The following CSMD1 variants were observed in gnomAD, a reference collection of about 807,000 sequenced individuals.
The protein encoded by CSMD1 is CUB and sushi domain-containing protein 1.
CSMD1 carries 213 observed loss-of-function variants against 417.5 expected under a neutral mutation model. That is an observed-to-expected ratio of 0.51 (90% CI 0.46 to 0.57). The LOEUF (loss-of-function observed/expected upper bound fraction) is 0.57, where lower values mean the gene tolerates loss of function less well. Among genes scored for constraint, CSMD1 ranks in the 20% least tolerant of loss-of-function variants. The pLI is 0.00. For missense variants in CSMD1, 6,923 were observed against 4,529.7 expected (o/e 1.53, Z -15.17); for synonymous variants, 2,862 against 1,736.8 (o/e 1.65, Z -16.11).
At chr8:3,328,325 C>T (rs1046593232) in intron 23 of CSMD1, among the ~76,000 whole-genome samples, 2 of 152,192 alleles carry the variant, frequency 1.3e-5, no homozygotes, top group African/African-American at 4.8e-5. Flanking sequence ...TGCCTATATG[C>T]TGCTTAAGGC....
At chr8:3,339,394 G>C (rs1281352519) in intron 23 of CSMD1, among the ~76,000 whole-genome samples, 1 of 152,098 alleles carries the variant, frequency 6.6e-6, no homozygotes. Context: ...CCAAGGGTAG[G>C]GGGGTTGCCT....
At chr8:3,229,593 T>C (rs1798712090) in intron 27 of CSMD1, among the ~76,000 whole-genome samples, 1 of 152,146 alleles carries the variant, frequency 6.6e-6, no homozygotes, top group South Asian at 2.1e-4. Context: ...TAATTTCTAG[T>C]TTTCAGAATT....
chr8:3,403,686 T>C (rs1812176148), intron 15 of CSMD1, among the ~76,000 whole-genome samples: 1 of 152,188 alleles, frequency 6.6e-6, no homozygotes, highest in Non-Finnish European at 1.5e-5. Context: ...GTGTTCACTT[T>C]AAACTTCTTT....
At chr8:4,408,104 T>C (rs552807030) in intron 3 of CSMD1, among the ~76,000 whole-genome samples, 4 of 152,290 alleles carry the variant, frequency 2.6e-5, no homozygotes, top group Admixed American at 2.0e-4. Flanking sequence ...AAAAAGTTTA[T>C]GCCTGAATGG....
intron 1 of CSMD1, among the ~76,000 whole-genome samples, chr8:4,820,739 A>G (rs907904630): frequency 6.6e-6 from 1 of 152,202 alleles, no homozygotes; most frequent in Non-Finnish European, 1.5e-5. Flanking sequence ...CTAACTTTGC[A>G]TTCAGGCATA....
rs546693553 is a variant in CSMD1 at position 3,088,053 on chromosome 8, T to C, written c.7286-768A>G. The stretch of plus-strand genomic sequence containing the variant: ...TCTTTTTTAGCATATGGGATTTGAA[T>C]GAAATCTTTGAAGAAAATGCATTCT... On this transcript the variant is annotated intron_variant, in intron 48 of 69. Transcript: ENST00000635120. 2.0e-5 allele frequency among the ~76,000 whole-genome samples: 3 copies of C among 152,362 alleles called. No individual in the cohort carries two copies. In the South Asian group the frequency reaches 6.2e-4, roughly 32 times the overall value.
At chr8:3,287,020 C>A (rs549060479) in intron 25 of CSMD1, among the ~76,000 whole-genome samples, 151 of 152,140 alleles carry the variant, frequency 9.9e-4, no homozygotes, top group Non-Finnish European at 8.8e-4. Flanking sequence ...AGGAAGGGAT[C>A]CAGTTTCAGC....
intron 5 of CSMD1, among the ~76,000 whole-genome samples, chr8:3,933,584 G>A (rs1810296366): frequency 6.6e-6 from 1 of 152,132 alleles, no homozygotes; most frequent in African/African-American, 2.4e-5. Flanking sequence ...GAAAATATAG[G>A]AGTGTGTAGA....
chr8:3,941,805 C>T (rs2258265), intron 5 of CSMD1, among the ~76,000 whole-genome samples: 31,783 of 151,888 alleles, frequency 0.21, 3,525 homozygotes, highest in Admixed American at 0.26. Context: ...TTCCCTCATA[C>T]GCAAGGAAAA....
intron 25 of CSMD1, among the ~76,000 whole-genome samples, chr8:3,290,178 T>C (rs989756023): frequency 6.8e-6 from 1 of 147,098 alleles, no homozygotes; most frequent in Non-Finnish European, 1.5e-5. Flanking sequence ...TCTGTTCCAT[T>C]GGTCTCTATC....
rs1020960582 is a variant in CSMD1 at position 4,026,349 on chromosome 8, G to A, written c.610+5556C>T. On this transcript the variant is annotated intron_variant, in intron 4 of 69. Transcript: ENST00000635120. ...AAATGTAATAATCTATAATACAGAAGAACAAAGTTTCCTGTGATAAAAGCA... is the reference window on the plus strand; with the variant it reads ...AAATGTAATAATCTATAATACAGAAAAACAAAGTTTCCTGTGATAAAAGCA... 3.3e-5 allele frequency among the ~76,000 whole-genome samples: 5 copies of A among 152,122 alleles called. No individual in the cohort carries two copies. In the East Asian group the frequency reaches 5.8e-4, roughly 18 times the overall value.
intron 5 of CSMD1, among the ~76,000 whole-genome samples, chr8:3,803,161 T>C (rs1052906037): frequency 6.6e-6 from 1 of 152,184 alleles, no homozygotes; most frequent in South Asian, 2.1e-4. Context: ...GTTCTAATCA[T>C]GCTGAAAGCA....
At chr8:4,420,715 G>T (rs894840705) in intron 2 of CSMD1, among the ~76,000 whole-genome samples, 1 of 152,072 alleles carries the variant, frequency 6.6e-6, no homozygotes, top group African/African-American at 2.4e-5. Context: ...CAAAGGCCCC[G>T]TGCAATAGGC....
intron 1 of CSMD1, among the ~76,000 whole-genome samples, chr8:4,902,223 A>T (rs780287773): frequency 2.4e-4 from 36 of 151,946 alleles, no homozygotes; most frequent in Non-Finnish European, 5.0e-4. Context: ...TCACCTGGGC[A>T]ACTTAGCAAG....
intron 5 of CSMD1, among the ~76,000 whole-genome samples, chr8:3,927,248 A>G (rs1404004795): frequency 6.6e-6 from 1 of 152,024 alleles, no homozygotes; most frequent in African/African-American, 2.4e-5. Flanking sequence ...TCCAACAATT[A>G]CAAATAAATA....
chr8:3,322,763 A>AC (rs961302704), intron 23 of CSMD1, among the ~76,000 whole-genome samples: 1 of 152,134 alleles, frequency 6.6e-6, no homozygotes, highest in African/African-American at 2.4e-5. Context: ...CCCGTACTTA[A>AC]CCCGCAAACC....
intron 1 of CSMD1, among the ~76,000 whole-genome samples, chr8:4,654,003 G>C (rs961495351): frequency 2.0e-5 from 3 of 152,118 alleles, no homozygotes; most frequent in Admixed American, 6.5e-5. Flanking sequence ...CAAATATAAA[G>C]GTTGGTTGTA....
intron 2 of CSMD1, among the ~76,000 whole-genome samples, chr8:4,448,938 A>T (rs1347981350): frequency 1.3e-5 from 2 of 152,152 alleles, no homozygotes; most frequent in African/African-American, 4.8e-5. Context: ...TTCCAGATAA[A>T]TTACCAGTGT....
At chr8:4,934,063 G>C (rs913352487) in intron 1 of CSMD1, among the ~76,000 whole-genome samples, 11 of 152,034 alleles carry the variant, frequency 7.2e-5, no homozygotes, top group Admixed American at 5.9e-4. Context: ...TGAATGCAAA[G>C]AAGGTCTCCA....
Sources: allele counts gnomAD v4.1 joint callset (sites outside exome capture counted in the v4.1 genomes callset), GRCh38; gene constraint gnomAD v4.1.1; transcripts MANE v1.5; gene names NCBI Gene and HGNC (gene_info 2026-07-23, HGNC 2026-07-21).